Variants in CACNA1D observed in about 807,000 individuals in gnomAD.
CACNA1D encodes the protein calcium voltage-gated channel subunit alpha1 D.
A neutral mutation model predicts 257.1 loss-of-function variants in CACNA1D; 55 were observed. The ratio of observed to expected loss-of-function variants is 0.21; its 90% CI spans 0.17 to 0.27. The LOEUF (loss-of-function observed/expected upper bound fraction) is 0.27. Ranked by LOEUF, CACNA1D falls within the 10% of genes least tolerant of loss-of-function variation. The probability of loss-of-function intolerance (pLI) is 1.00; values close to 1 mark genes in which losing one functional copy is unlikely to be tolerated. For missense variants in CACNA1D, 1,876 were observed against 2,784.0 expected (o/e 0.67, Z 7.34); for synonymous variants, 980 against 1,014.9 (o/e 0.97, Z 0.65).
At chr3:53,583,265 G>A (rs2093161357) in intron 3 of CACNA1D, among the ~76,000 whole-genome samples, 1 of 151,666 alleles carries the variant, frequency 6.6e-6, no homozygotes, top group Non-Finnish European at 1.5e-5. Context: ...AGGATCCTAA[G>A]GCTGACTTTA....
chr3:53,780,285 T>C (rs1422810181), intron 38 of CACNA1D, among the ~76,000 whole-genome samples, 157 bp downstream of exon 38: 1 of 152,260 alleles, frequency 6.6e-6, no homozygotes, highest in African/African-American at 2.4e-5. Flanking sequence ...GCTTGCCGGC[T>C]GGCCCCTGCC....
At chr3:53,709,409 A>T (rs74350446) in intron 9 of CACNA1D, among the ~76,000 whole-genome samples, 1,852 of 152,290 alleles carry the variant, frequency 0.012, 20 homozygotes, top group Non-Finnish European at 0.02. Context: ...CAGGCTAACT[A>T]TCATTAACCC....
In CACNA1D at chr3:53,811,512, T is replaced by C; in HGVS notation, c.*106T>C. 2.3e-6 allele frequency: 2 copies of C among 880,796 alleles called. No individual in the cohort carries two copies. The highest frequency in any genetic ancestry group is 1.9e-5 in the South Asian group (1 of 52,272). 54.6% of individuals were successfully genotyped at this position (880,796 alleles called of 1,614,324 possible). ...GTTTAGGCACTAGTTGGGAGTAATA[T>C]TCAATTAATTAGACTTTTGTATAAG... On this transcript the variant is annotated 3_prime_UTR_variant, in exon 48 of 48. Transcript: ENST00000350061. This position sits in a 1 kb window ranked among gnomAD's most constrained non-coding sequence, Gnocchi z 4.2.
intron 20 of CACNA1D, among the ~76,000 whole-genome samples, chr3:53,736,839 G>A (rs1426365282): frequency 6.7e-6 from 1 of 150,100 alleles, no homozygotes; most frequent in African/African-American, 2.5e-5. Context: ...AGTCAGCTGT[G>A]TTCACACCAC....
intron 46 of CACNA1D, 44 bp from the exon 47 acceptor site, chr3:53,809,934 C>A (rs1320815797): frequency 3.2e-6 from 5 of 1,583,980 alleles, no homozygotes; most frequent in Non-Finnish European, 3.5e-6. Context: ...GAGGCCCGGA[C>A]CTCTGAGAAC....
intron 32 of CACNA1D, 95 bp downstream of exon 32, chr3:53,770,647 G>A (rs1206589274): frequency 3.4e-6 from 4 of 1,186,442 alleles, no homozygotes; most frequent in African/African-American, 3.0e-5. Context: ...CTCCCCCTGT[G>A]TGGCCACTCT....
intron 3 of CACNA1D, among the ~76,000 whole-genome samples, chr3:53,645,987 A>G (rs1044833517): frequency 1.3e-5 from 2 of 152,246 alleles, no homozygotes; most frequent in Non-Finnish European, 2.9e-5. Flanking sequence ...CCTTGCATTC[A>G]ACCCCGCTGG....
In CACNA1D at chr3:53,665,788, A is replaced by G. The variant is rs751158842; in HGVS notation, c.895A>G (p.Lys299Glu). Residue 299 changes from lysine to glutamate, a missense_variant, in exon 6 of 48, where the codon AAA becomes GAA. Coordinates refer to ENST00000350061, the MANE Select transcript of CACNA1D (RefSeq NM_001128840.3). ...GLELFIGKMH[K>E]TCFFADSDIV... ...GGAACTTTTTATTGGAAAAATGCAC[A>G]AAACATGTTTTTTTGCTGACTCAGG... 1 of 1,613,112 alleles carries G rather than the reference A, an allele frequency of 6.2e-7. No individual in the cohort carries two copies. The highest frequency in any genetic ancestry group is 1.1e-5 in the South Asian group (1 of 90,946).
At chr3:53,809,894 G>A (rs1228016558) in intron 46 of CACNA1D, 84 bp from the exon 47 acceptor site, 17 of 1,293,914 alleles carry the variant, frequency 1.3e-5, no homozygotes, top group South Asian at 2.4e-5. Context: ...CGAGCGCAGC[G>A]CCGGTGCTTG....
In CACNA1D at chr3:53,701,585, C is replaced by T. The variant is rs142382993; in HGVS notation, c.1221-1056C>T. Among the ~76,000 whole-genome samples, 789 of 152,346 alleles carry T rather than the reference C, an allele frequency of 5.2e-3. 9 individuals carry two copies. Among genetic ancestry groups the T allele is most frequent in the African/African-American group, 0.018 (751 of 41,578 alleles). On this transcript the variant is annotated intron_variant, in intron 8 of 47. Transcript: ENST00000350061. Reference sequence around the variant, plus strand: ...GAAGGCAGACAGAAGTAACCTGTGTCAGAATCTCAAGGTCTGTGTGCAGAA... The same window carrying T: ...GAAGGCAGACAGAAGTAACCTGTGTTAGAATCTCAAGGTCTGTGTGCAGAA...
intron 3 of CACNA1D, among the ~76,000 whole-genome samples, chr3:53,537,869 T>A (rs2092160050): frequency 6.6e-6 from 1 of 152,244 alleles, no homozygotes; most frequent in Non-Finnish European, 1.5e-5. Flanking sequence ...AATTTGGTAG[T>A]TGGACCTACA....
intron 34 of CACNA1D, among the ~76,000 whole-genome samples, chr3:53,775,559 A>C (rs1391193489): frequency 2.0e-5 from 3 of 152,182 alleles, no homozygotes; most frequent in Non-Finnish European, 4.4e-5. Context: ...ACCTTGTCTC[A>C]AATAATAATA....
At chr3:53,659,494 T>C (rs1469432158) in intron 4 of CACNA1D, among the ~76,000 whole-genome samples, 1 of 152,206 alleles carries the variant, frequency 6.6e-6, no homozygotes, top group Non-Finnish European at 1.5e-5. Flanking sequence ...CATCAGATAT[T>C]TTTGGAGTAC....
intron 3 of CACNA1D, among the ~76,000 whole-genome samples, chr3:53,534,023 C>G (rs1365393475): frequency 6.6e-6 from 1 of 152,238 alleles, no homozygotes; most frequent in African/African-American, 2.4e-5. Context: ...AGTAGAGGAG[C>G]TGAAGCCACT....
At chr3:53,743,494 G>A (rs1381849127) in intron 22 of CACNA1D, among the ~76,000 whole-genome samples, 1 of 152,134 alleles carries the variant, frequency 6.6e-6, no homozygotes, top group African/African-American at 2.4e-5. Flanking sequence ...GAGGGGCTGG[G>A]ACCAGGTGGC....
chr3:53,810,765 A>C (rs1215292795), intron 47 of CACNA1D, among the ~76,000 whole-genome samples: 1 of 145,024 alleles, frequency 6.9e-6, no homozygotes, highest in African/African-American at 2.6e-5. Context: ...TCTCAAAAAA[A>C]AAAAAAAAAA....
At position 53,751,718 on chromosome 3, in the gene CACNA1D, A is replaced by T. The variant is rs1261135098; in HGVS notation, c.3517-31A>T. On this transcript the variant is annotated intron_variant, in intron 27 of 47. Transcript: ENST00000350061. This position sits in a 1 kb window ranked among gnomAD's most constrained non-coding sequence, Gnocchi z 4.3. Reference sequence around the variant, plus strand: ...TCCTCCTTCCCTGCAAGTGCTCAGAACCCCGTTTCTGCCCTTTTCTGCTGT... The same window carrying T: ...TCCTCCTTCCCTGCAAGTGCTCAGATCCCCGTTTCTGCCCTTTTCTGCTGT... The T allele has an allele frequency of 6.2e-7, 1 of 1,613,844 alleles. No homozygotes were observed. The highest frequency in any genetic ancestry group is 1.1e-5 in the South Asian group (1 of 91,060).
chr3:53,624,045 T>C (rs2093729188), intron 3 of CACNA1D, among the ~76,000 whole-genome samples: 1 of 152,214 alleles, frequency 6.6e-6, no homozygotes, highest in African/African-American at 2.4e-5. Flanking sequence ...TACCCATCTG[T>C]AGTGCCATGG....
chr3:53,607,413 G>A (rs2093525738), intron 3 of CACNA1D, among the ~76,000 whole-genome samples: 1 of 152,230 alleles, frequency 6.6e-6, no homozygotes, highest in South Asian at 2.1e-4. Context: ...CAGAAAGGGA[G>A]GGCATAAGCC....
Sources: allele counts gnomAD v4.1 joint callset (sites outside exome capture counted in the v4.1 genomes callset), GRCh38; gene constraint gnomAD v4.1.1; non-coding constraint Gnocchi (gnomAD v3.1); transcripts MANE v1.5; gene names NCBI Gene and HGNC (gene_info 2026-07-23, HGNC 2026-07-21).